Variants in ABCC12 observed in about 807,000 individuals in gnomAD.
ABCC12 encodes the protein ATP binding cassette subfamily C member 12.
A neutral mutation model predicts 151.1 loss-of-function variants in ABCC12; 142 were observed. That is an observed-to-expected ratio of 0.94 (90% CI 0.82 to 1.08). The LOEUF (loss-of-function observed/expected upper bound fraction) is 1.08, where lower values mean the gene tolerates loss of function less well. ABCC12 is among the 50% of genes least tolerant of loss of function. ABCC12 has a pLI of 0.00. For missense variants in ABCC12, 1,638 were observed against 1,691.1 expected, an observed-to-expected ratio of 0.97 and a Z score of 0.55; for synonymous variants, 645 against 646.4, an observed-to-expected ratio of 1.00 and a Z score of 0.03.
intron 15 of ABCC12, among the ~76,000 whole-genome samples, chr16:48,113,369 A>G (rs9889104): frequency 6.6e-6 from 1 of 152,196 alleles, no homozygotes; most frequent in Non-Finnish European, 1.5e-5. Context: ...CCATAGCCAC[A>G]GCACACGCTC....
intron 13 of ABCC12, among the ~76,000 whole-genome samples, chr16:48,119,351 A>G (rs1387908364): frequency 6.6e-6 from 1 of 152,224 alleles, no homozygotes; most frequent in Non-Finnish European, 1.5e-5. Flanking sequence ...TTAAGGGCAA[A>G]GATACACCTG....
chr16:48,137,121 C>T (rs189575057), intron 8 of ABCC12, among the ~76,000 whole-genome samples: 40 of 150,584 alleles, frequency 2.7e-4, no homozygotes, highest in African/African-American at 9.5e-4. Flanking sequence ...GGAGCAGTGC[C>T]TAGATGTCTT....
chr16:48,099,157 AC>A (rs1375434639), intron 23 of ABCC12, among the ~76,000 whole-genome samples: 1 of 152,140 alleles, frequency 6.6e-6, no homozygotes, highest in Non-Finnish European at 1.5e-5. Context: ...GCAGTGGCTC[AC>A]TATAATCCCC....
chr16:48,143,253 C>T (rs1251698060), intron 4 of ABCC12, among the ~76,000 whole-genome samples: 2 of 152,134 alleles, frequency 1.3e-5, no homozygotes, highest in Non-Finnish European at 2.9e-5. Flanking sequence ...ATGCGGTGCC[C>T]CTGCAAACCA....
intron 13 of ABCC12, chr16:48,121,214 T>C (rs541173283): frequency 6.6e-6 from 1 of 152,378 alleles, no homozygotes; most frequent in Admixed American, 6.5e-5. Context: ...AAAAAGATGA[T>C]GGCTCAAAGT....
chr16:48,091,955 T>C (rs1962916005), intron 24 of ABCC12, among the ~76,000 whole-genome samples: 1 of 152,062 alleles, frequency 6.6e-6, no homozygotes, highest in East Asian at 1.9e-4. Flanking sequence ...GTGATAAGTG[T>C]CATTATAAGA....
chr16:48,151,643 C>A, intron 2 of ABCC12, among the ~76,000 whole-genome samples: 1 of 151,902 alleles, frequency 6.6e-6, no homozygotes, highest in East Asian at 1.9e-4. Flanking sequence ...TTTTGTAAAC[C>A]AAAACCATTC....
intron 9 of ABCC12, 35 bp from the exon 10 acceptor site, chr16:48,130,930 G>A (rs763123924): frequency 2.7e-6 from 4 of 1,502,178 alleles, no homozygotes; most frequent in Non-Finnish European, 3.7e-6. Context: ...GGGTTTAGAA[G>A]GAGAAGTCAC....
At chr16:48,154,336 T>C (rs897808636) in intron 1 of ABCC12, among the ~76,000 whole-genome samples, 1 of 152,156 alleles carries the variant, frequency 6.6e-6, no homozygotes, top group Admixed American at 6.5e-5. Flanking sequence ...TTTTTCCAAT[T>C]TGTGGAAAAC....
intron 13 of ABCC12, among the ~76,000 whole-genome samples, chr16:48,118,760 T>G (rs1963972656): frequency 6.6e-6 from 1 of 152,222 alleles, no homozygotes; most frequent in South Asian, 2.1e-4. Context: ...ACTTTGGGGT[T>G]GGTGTACATA....
At chr16:48,107,511 G>T in intron 19 of ABCC12, 86 bp from the exon 20 acceptor site, 4 of 1,195,706 alleles carry the variant, frequency 3.3e-6, no homozygotes, top group Non-Finnish European at 3.7e-6. Context: ...ACCCTGATGG[G>T]AAATTCAAAA....
At chr16:48,103,000 G>C (rs1479873670) in intron 22 of ABCC12, among the ~76,000 whole-genome samples, 2 of 152,216 alleles carry the variant, frequency 1.3e-5, no homozygotes, top group African/African-American at 4.8e-5. Context: ...ACAGACTGTA[G>C]ATTTCAAGGG....
At chr16:48,116,392 G>A (rs1412771641) in intron 14 of ABCC12, among the ~76,000 whole-genome samples, 1 of 152,194 alleles carries the variant, frequency 6.6e-6, no homozygotes, top group African/African-American at 2.4e-5. Context: ...GCCTGCTGAA[G>A]AGCATCAGTA....
Position 48,140,877 on chromosome 16 carries a change from G to A in ABCC12, c.467C>T (p.Ser156Phe). 6.2e-7 allele frequency: 1 copy of A among 1,614,148 alleles called. No homozygotes were observed. Among genetic ancestry groups the A allele is most frequent in the Non-Finnish European group, 8.5e-7 (1 of 1,180,042 alleles). ...HQILQQTERTSGKVWVGIGLC... is the reference protein window; with the variant it reads ...HQILQQTERTFGKVWVGIGLC... ...TCCAATGCCAACCCAGACTTTCCCA[G>A]AGGTCCTCTCAGTCTGCTGGAGGAT... The change falls in exon 6 of 31, where the codon TCT becomes TTT. Residue 156 changes from serine to phenylalanine, a missense_variant. By Grantham distance (155) the Ser-to-Phe change is radical. Transcript: ENST00000311303.
rs112372255 is a variant in ABCC12, at chr16:48,143,965, C to T, written c.220G>A (p.Val74Ile). The T allele has an allele frequency of 7.9e-4, 1,281 of 1,614,160 alleles. 9 individuals are homozygous for T. The African/African-American group carries it at 0.013, about 17-fold the overall frequency. ...MVKGYRQRLT[V>I]DTLPPLSTYD... ...GTCGACAATGGGGGCAGGGTGTCTA[C>T]GGTCAGCCTTTGCCGGTAGCCTTTC... is the stretch of plus-strand genomic sequence containing the variant. Residue 74 changes from valine (V) to isoleucine (I), a missense_variant, in exon 4 of 31, where the codon GTA (valine) becomes ATA (isoleucine). By Grantham distance (29) the Val-to-Ile change is conservative (BLOSUM62 3). Transcript: ENST00000311303.
intron 1 of ABCC12, 92 bp from the exon 2 acceptor site, chr16:48,153,976 G>C (rs910740472): frequency 6.6e-6 from 1 of 152,350 alleles, no homozygotes; most frequent in Non-Finnish European, 1.5e-5. Context: ...TCTGCCAGGA[G>C]TGAGGAGCTG....
intron 24 of ABCC12, among the ~76,000 whole-genome samples, chr16:48,094,105 C>A (rs1963008282): frequency 6.6e-6 from 1 of 152,212 alleles, no homozygotes; most frequent in Non-Finnish European, 1.5e-5. Context: ...AAAAGCATGA[C>A]CTTAGTTGGG....
At chr16:48,119,993 C>A (rs998012713) in intron 13 of ABCC12, among the ~76,000 whole-genome samples, 6 of 152,066 alleles carry the variant, frequency 3.9e-5, no homozygotes, top group Non-Finnish European at 7.4e-5. Flanking sequence ...GGTTAAGGGA[C>A]TCAAATGAGA....
At chr16:48,112,850 A>C (rs1963746089) in intron 15 of ABCC12, among the ~76,000 whole-genome samples, 1 of 152,166 alleles carries the variant, frequency 6.6e-6, no homozygotes, top group South Asian at 2.1e-4. Context: ...ATAAAAACAC[A>C]GCTACATTTA....
Sources: gnomAD v4.1 joint callset for allele counts (sites outside exome capture counted in the v4.1 genomes callset) on GRCh38, gnomAD v4.1.1 for gene constraint, MANE v1.5 for transcripts, NCBI Gene and HGNC (gene_info 2026-07-23, HGNC 2026-07-21) for gene names.